Variants in PAOX observed in about 807,000 individuals in gnomAD.
The protein encoded by PAOX is polyamine oxidase.
In PAOX, 38 loss-of-function variants were observed where a neutral mutation model predicts 39.0. That is an observed-to-expected ratio of 0.97 (90% CI 0.75 to 1.28). The LOEUF (loss-of-function observed/expected upper bound fraction) is 1.28, where lower values mean the gene tolerates loss of function less well. Among genes scored for constraint, PAOX ranks in the 50% most tolerant of loss-of-function variants. The pLI, the probability that PAOX is intolerant of heterozygous loss-of-function variation, is 0.00. For synonymous variants in PAOX, 311 were observed against 314.4 expected (o/e 0.99, Z 0.11); for missense variants, 667 against 685.7 (o/e 0.97, Z 0.30).
chr10:133,389,546 T>G, intron 5 of PAOX, 44 bp from the exon 6 acceptor site: 1 of 1,612,438 alleles, frequency 6.2e-7, no homozygotes, highest in South Asian at 1.1e-5. Flanking sequence ...TGCAGACCTG[T>G]GGGTGAGAGT....
Position 133,391,586 on chromosome 10 carries a change from C to T in PAOX, c.*131C>T. ...TCCTCTGGTTTTTGGTAACCAGGGC[C>T]ACCTTCTCAGTTCTTGTGTCTGTTA... On this transcript the variant is annotated 3_prime_UTR_variant, in exon 7 of 7. Coordinates refer to ENST00000278060, the MANE Select transcript of PAOX (RefSeq NM_152911.4). The T allele has an allele frequency of 7.5e-7, 1 of 1,328,304 alleles. No homozygotes were observed. The highest frequency in any genetic ancestry group is 1.0e-6 in the Non-Finnish European group (1 of 988,186). The allele number at this position is 1,328,304 out of a possible 1,614,324, so 82.3% of individuals were successfully genotyped here.
chr10:133,379,569 C>G, intron 1 of PAOX, 72 bp downstream of exon 1: 1 of 1,170,886 alleles, frequency 8.5e-7, no homozygotes. Context: ...CCAACCTGCC[C>G]TGCGCGCAGC....
At chr10:133,383,414 C>T (rs987280220) in intron 3 of PAOX, among the ~76,000 whole-genome samples, 1 of 151,326 alleles carries the variant, frequency 6.6e-6, no homozygotes, top group Non-Finnish European at 1.5e-5. Flanking sequence ...ACCAGCCTAA[C>T]CAACATGGCA....
intron 2 of PAOX, among the ~76,000 whole-genome samples, 179 bp downstream of exon 2, chr10:133,380,664 T>G (rs1398363162): frequency 2.0e-5 from 3 of 152,176 alleles, no homozygotes; most frequent in African/African-American, 7.2e-5. Context: ...AAAAGTTATT[T>G]CTGAGAGAGA....
rs1049520935 is a variant in PAOX at position 133,379,832 on chromosome 10, C to T, written c.182-167C>T. The T allele has an allele frequency of 6.6e-6, 6 of 906,790 alleles. No homozygotes were observed. The African/African-American group carries it at 8.3e-5, about 13-fold the overall frequency. 56.2% of individuals were successfully genotyped at this position (906,790 alleles called of 1,614,324 possible). ...AGTGCCCTCCTGCCCAGGTGCTCCC[C>T]TTAAACTGGGTCTGACAGGGCCCTG... On this transcript the variant is annotated intron_variant, in intron 1 of 6. Transcript: ENST00000278060.
rs1162014158 is a variant in PAOX, at chr10:133,384,670, T to C, written c.1121+458T>C. Among the ~76,000 whole-genome samples, 2 of 152,198 alleles carry C rather than the reference T, an allele frequency of 1.3e-5. No individual in the cohort carries two copies. The highest frequency in any genetic ancestry group is 2.1e-4 in the South Asian group (1 of 4,828). On this transcript the variant is annotated intron_variant, in intron 4 of 6. Coordinates refer to ENST00000278060, the MANE Select transcript of PAOX (RefSeq NM_152911.4). The surrounding 1 kb of genome is among the most constrained non-coding windows in gnomAD (Gnocchi z 4.3). ...GCTCCCTTGTATGGGCTGGCCCTCT[T>C]AGAAACAGCATATCTAGACCACGTG...
chr10:133,390,409 TCC>T (rs1491453057), intron 6 of PAOX, among the ~76,000 whole-genome samples: 4 of 92,886 alleles, frequency 4.3e-5, no homozygotes, highest in Non-Finnish European at 8.0e-5. Flanking sequence ...AGAGTCGGTC[TCC>T]ACACACACAC....
chr10:133,389,590 G>A lies in PAOX; in HGVS notation c.1235G>A (p.Gly412Glu), dbSNP rs745406551. 9 of 1,613,804 alleles carry A rather than the reference G, an allele frequency of 5.6e-6. No individual in the cohort carries two copies. The highest frequency in any genetic ancestry group is 7.6e-6 in the Non-Finnish European group (9 of 1,180,016). Reference protein sequence around the residue: ...CLTQVLRRVTGNPRLPAPKSV... With the variant: ...CLTQVLRRVTENPRLPAPKSV... ...AACATGCAGTGTCTCTGTGGCTCAGGAAACCCACGGCTCCCCGCGCCCAAG... is the reference window on the plus strand; with the variant it reads ...AACATGCAGTGTCTCTGTGGCTCAGAAAACCCACGGCTCCCCGCGCCCAAG... The change falls in exon 6 of 7, where the codon GGA becomes GAA. Residue 412 changes from glycine (G) to glutamate (E), a missense_variant and splice_region_variant. Gly to Glu is a moderately conservative substitution (Grantham distance 98). Transcript: ENST00000278060.
At chr10:133,382,795 A>C (rs1382865403) in intron 3 of PAOX, 1 of 150,568 alleles carries the variant, frequency 6.6e-6, no homozygotes, top group African/African-American at 2.4e-5. Context: ...AAAAAAAAAA[A>C]ACCAAAAATC....
intron 6 of PAOX, among the ~76,000 whole-genome samples, chr10:133,390,119 A>T (rs1685613972): frequency 6.6e-6 from 1 of 152,152 alleles, no homozygotes; most frequent in African/African-American, 2.4e-5. Context: ...TGTCAAACAT[A>T]CTAAAGTAGG....
Position 133,381,628 on chromosome 10 carries a change from G to A in PAOX, c.837G>A (p.Pro279=), listed in dbSNP as rs768723779. The A allele has an allele frequency of 6.2e-6, 10 of 1,613,300 alleles. No homozygotes were observed. The highest frequency in any genetic ancestry group is 2.2e-5 in the East Asian group (1 of 44,874). ...SVECEDGDRF[P]AHHVIVTVPL... ...AGTGTGAGGATGGAGACCGGTTCCC[G>A]GCGCACCATGTCATCGTCACCGTGC... The change falls in exon 3 of 7, where the codon CCG becomes CCA. Residue 279 remains proline (P), a synonymous_variant. Transcript: ENST00000278060.
chr10:133,384,124 G>A lies in PAOX; in HGVS notation c.1033G>A (p.Asp345Asn). ...DCQLIQLVWE[D>N]TSPLEDAAPE... is the part of the protein sequence containing the mutation. ...CCAGCTGATCCAGCTGGTGTGGGAG[G>A]ACACGTCGCCCCTGGAGGATGCTGC... Residue 345 changes from aspartate (D) to asparagine (N), a missense_variant, in exon 4 of 7, where the codon GAC becomes AAC. Asp to Asn is a conservative substitution (Grantham distance 23, BLOSUM62 1). Transcript: ENST00000278060. The surrounding 1 kb of genome is among the most constrained non-coding windows in gnomAD (Gnocchi z 4.3). 1.2e-6 allele frequency: 2 copies of A among 1,614,164 alleles called. No individual in the cohort carries two copies. Among genetic ancestry groups the A allele is most frequent in the Non-Finnish European group, 1.7e-6 (2 of 1,180,036 alleles).
intron 1 of PAOX, chr10:133,379,700 GCGACCTACGGCTCCACAAGGC>G (rs1480271606): frequency 1.8e-6 from 1 of 541,822 alleles, no homozygotes; most frequent in Admixed American, 3.9e-5. Context: ...GCCAGGGAAG[GCGACCTACGGCTCCACAAGGC>G]CGCCCTGATT....
At chr10:133,388,284 C>A (rs1211015372) in intron 4 of PAOX, among the ~76,000 whole-genome samples, 1 of 152,162 alleles carries the variant, frequency 6.6e-6, no homozygotes, top group Non-Finnish European at 1.5e-5. Flanking sequence ...ATTTTTCCTG[C>A]TCCTCTCCCT....
At position 133,380,185 on chromosome 10, in the gene PAOX, G is replaced by A. The variant is rs1351439497; in HGVS notation, c.368G>A (p.Ser123Asn). The A allele has an allele frequency of 1.9e-6, 3 of 1,612,272 alleles. No homozygotes were observed. Among genetic ancestry groups the A allele is most frequent in the South Asian group, 1.1e-5 (1 of 91,060 alleles). The change falls in exon 2 of 7, where the codon AGC becomes AAC. Residue 123 changes from serine (S) to asparagine (N), a missense_variant. Coordinates refer to ENST00000278060, the MANE Select transcript of PAOX (RefSeq NM_152911.4). Reference protein sequence around the residue: ...VSYASSGASVSLQLVAEMATL... With the variant: ...VSYASSGASVNLQLVAEMATL... ...TACGCCAGCTCCGGGGCCAGCGTGA[G>A]CCTCCAGCTGGTGGCGGAGATGGCG...
Position 133,380,183 on chromosome 10 carries a change from G to A in PAOX, c.366G>A (p.Val122=), listed in dbSNP as rs1321289222. Residue 122 remains valine, a synonymous_variant, in exon 2 of 7, where the codon GTG becomes GTA. Transcript: ENST00000278060. ...SVSYASSGAS[V]SLQLVAEMAT... is the part of the protein sequence containing the mutation. The stretch of plus-strand genomic sequence containing the variant: ...GCTACGCCAGCTCCGGGGCCAGCGT[G>A]AGCCTCCAGCTGGTGGCGGAGATGG... 6.2e-7 allele frequency: 1 copy of A among 1,612,022 alleles called. No individual in the cohort carries two copies. The highest frequency in any genetic ancestry group is 1.7e-5 in the Admixed American group (1 of 59,990).
At position 133,384,232 on chromosome 10, in the gene PAOX, A is replaced by T. The variant is rs1252583237; in HGVS notation, c.1121+20A>T. 6.2e-7 allele frequency: 1 copy of T among 1,608,664 alleles called. No individual in the cohort carries two copies. The highest frequency in any genetic ancestry group is 1.7e-5 in the Admixed American group (1 of 59,902). ...CTTTGCGTACGTTTGCTCCCTGAGA[A>T]GTTCTGCGAGTGGCTGGCTCATAGG... On this transcript the variant is annotated intron_variant, in intron 4 of 6. Transcript: ENST00000278060. The surrounding 1 kb of genome is among the most constrained non-coding windows in gnomAD (Gnocchi z 4.3).
Position 133,379,281 on chromosome 10 carries a change from G to A in PAOX, c.-36G>A, listed in dbSNP as rs1291308421. The stretch of plus-strand genomic sequence containing the variant: ...TCCTCCGAGAGCTCCAGACCTCCCG[G>A]CTACTCAGAAGCCCTCGGACTGCCC... On this transcript the variant is annotated 5_prime_UTR_variant, in exon 1 of 7. Coordinates refer to ENST00000278060, the MANE Select transcript of PAOX (RefSeq NM_152911.4). 1 of 1,208,006 alleles carries A rather than the reference G, an allele frequency of 8.3e-7. No homozygotes were observed. Among genetic ancestry groups the A allele is most frequent in the South Asian group, 4.2e-5 (1 of 23,624 alleles). 74.8% of individuals were successfully genotyped at this position (1,208,006 alleles called of 1,614,324 possible). A position where few individuals can be genotyped will look rare whatever the true frequency, so the allele number is the denominator to read the frequency against.
rs776784614 is a variant in PAOX at position 133,381,650 on chromosome 10, G to A, written c.859G>A (p.Val287Met). The A allele has an allele frequency of 1.2e-5, 20 of 1,612,882 alleles. No homozygotes were observed. Among genetic ancestry groups the A allele is most frequent in the Non-Finnish European group, 1.4e-5 (17 of 1,179,974 alleles). Residue 287 changes from valine to methionine, a missense_variant, in exon 3 of 7, where the codon GTG becomes ATG. By Grantham distance (21) the Val-to-Met change is conservative (BLOSUM62 1). Transcript: ENST00000278060. The stretch of plus-strand genomic sequence containing the variant: ...CCCGGCGCACCATGTCATCGTCACC[G>A]TGCCCTTAGGTAGGTCAGGTTTTCA... Reference protein sequence around the residue: ...RFPAHHVIVTVPLGFLREHLD... With the variant: ...RFPAHHVIVTMPLGFLREHLD...
Sources: allele counts gnomAD v4.1 joint callset (sites outside exome capture counted in the v4.1 genomes callset), GRCh38; gene constraint gnomAD v4.1.1; non-coding constraint Gnocchi (gnomAD v3.1); transcripts MANE v1.5; gene names NCBI Gene and HGNC (gene_info 2026-07-23, HGNC 2026-07-21).